EXOC4: variants seen among roughly 807,000 people sequenced by gnomAD.
The protein encoded by EXOC4 is SEC8-like 1.
In EXOC4, 71 loss-of-function variants were observed where a neutral mutation model predicts 107.2. That is an observed-to-expected ratio of 0.66 (90% CI 0.55 to 0.81). The LOEUF is 0.81. Among genes scored for constraint, EXOC4 ranks in the 30% least tolerant of loss-of-function variants. The pLI is 0.00. For missense variants in EXOC4, 1,108 were observed against 1,189.6 expected, an observed-to-expected ratio of 0.93 and a Z score of 1.01; for synonymous variants, 456 against 441.2, an observed-to-expected ratio of 1.03 and a Z score of -0.42.
chr7:133,409,030 A>G (rs1406654134), intron 7 of EXOC4, among the ~76,000 whole-genome samples: 1 of 152,196 alleles, frequency 6.6e-6, no homozygotes, highest in Non-Finnish European at 1.5e-5. Flanking sequence ...CTGCATAAAA[A>G]AAGAAGTATA....
chr7:133,283,232 A>G (rs776814209), intron 2 of EXOC4, among the ~76,000 whole-genome samples: 1 of 152,112 alleles, frequency 6.6e-6, no homozygotes, highest in Non-Finnish European at 1.5e-5. Flanking sequence ...TCTCTCTGCT[A>G]TCTGGGACCA....
At chr7:133,489,060 G>A (rs1354527719) in intron 9 of EXOC4, among the ~76,000 whole-genome samples, 1 of 150,100 alleles carries the variant, frequency 6.7e-6, no homozygotes, top group Non-Finnish European at 1.5e-5. Context: ...AATGTCATTT[G>A]TATGAAGGTC....
At chr7:133,659,635 A>G (rs569917743) in intron 10 of EXOC4, among the ~76,000 whole-genome samples, 1 of 152,238 alleles carries the variant, frequency 6.6e-6, no homozygotes, top group East Asian at 1.9e-4. Flanking sequence ...CGTTGGACCT[A>G]CTGAATCAGA....
chr7:134,024,473 T>G (rs1220130135), intron 17 of EXOC4, among the ~76,000 whole-genome samples: 1 of 151,658 alleles, frequency 6.6e-6, no homozygotes, highest in Non-Finnish European at 1.5e-5. Context: ...GAAGCTAGTA[T>G]GTTTTTAATT....
chr7:133,492,058 A>G (rs1430526356), intron 9 of EXOC4, among the ~76,000 whole-genome samples: 1 of 152,172 alleles, frequency 6.6e-6, no homozygotes, highest in Non-Finnish European at 1.5e-5. Context: ...GCGGGTGATA[A>G]GGAGTCCTCC....
chr7:133,256,130 C>T (rs563296218), intron 1 of EXOC4, among the ~76,000 whole-genome samples: 12 of 152,200 alleles, frequency 7.9e-5, no homozygotes, highest in South Asian at 6.2e-4. Context: ...TACAGGCATG[C>T]GCCACCATAC....
chr7:133,685,820 A>G (rs954151391), intron 10 of EXOC4, among the ~76,000 whole-genome samples: 7 of 152,160 alleles, frequency 4.6e-5, no homozygotes, highest in Non-Finnish European at 7.4e-5. Context: ...GTCTTTTAGT[A>G]TAGTGATCAC....
intron 11 of EXOC4, among the ~76,000 whole-genome samples, chr7:133,817,880 A>G (rs1797412241): frequency 6.6e-6 from 1 of 152,194 alleles, no homozygotes; most frequent in Admixed American, 6.5e-5. Flanking sequence ...CTGAGTATGA[A>G]GGATTAACAG....
chr7:133,477,446 A>G (rs1182280131), intron 8 of EXOC4, among the ~76,000 whole-genome samples: 1 of 152,180 alleles, frequency 6.6e-6, no homozygotes, highest in East Asian at 1.9e-4. Context: ...ACTTAGCAAT[A>G]TGCATTTATC....
chr7:133,596,614 C>A (rs1801681521), intron 9 of EXOC4, among the ~76,000 whole-genome samples: 2 of 152,152 alleles, frequency 1.3e-5, no homozygotes, highest in Admixed American at 1.3e-4. Context: ...ATAGGGTGAG[C>A]TTTAGTTACA....
At chr7:133,264,469 A>G (rs1215170301) in intron 1 of EXOC4, among the ~76,000 whole-genome samples, 1 of 152,142 alleles carries the variant, frequency 6.6e-6, no homozygotes, top group Non-Finnish European at 1.5e-5. Context: ...ATCAATTGGG[A>G]TGGGATTATC....
intron 14 of EXOC4, among the ~76,000 whole-genome samples, chr7:133,988,038 A>G (rs1295442178): frequency 6.6e-6 from 1 of 152,148 alleles, no homozygotes; most frequent in East Asian, 1.9e-4. Flanking sequence ...CTTCTCCATG[A>G]CAGTTTGTAT....
chr7:133,896,827 G>A (rs1398363120), intron 12 of EXOC4, among the ~76,000 whole-genome samples: 1 of 88,092 alleles, frequency 1.1e-5, no homozygotes, highest in African/African-American at 1.2e-4. Flanking sequence ...CACCATGTCT[G>A]GCTATTTTTG....
chr7:133,264,757 T>C (rs183608332), intron 1 of EXOC4, among the ~76,000 whole-genome samples: 1 of 152,322 alleles, frequency 6.6e-6, no homozygotes, highest in African/African-American at 2.4e-5. Context: ...ATTTGTCATA[T>C]ACAAAATGTT....
At chr7:133,697,631 C>T (rs574618613) in intron 10 of EXOC4, among the ~76,000 whole-genome samples, 1 of 152,144 alleles carries the variant, frequency 6.6e-6, no homozygotes, top group Non-Finnish European at 1.5e-5. Flanking sequence ...GGGACCACTG[C>T]GATGGGGCCT....
chr7:133,455,244 C>T (rs1798436580), intron 7 of EXOC4, among the ~76,000 whole-genome samples: 1 of 151,938 alleles, frequency 6.6e-6, no homozygotes, highest in Non-Finnish European at 1.5e-5. Context: ...GTGAAGTGGG[C>T]CAGTACAAGA....
intron 4 of EXOC4, among the ~76,000 whole-genome samples, chr7:133,310,206 A>T (rs1011947669): frequency 2.6e-5 from 4 of 152,192 alleles, no homozygotes; most frequent in Non-Finnish European, 5.9e-5. Flanking sequence ...ATTACAAAGG[A>T]TATTGTACTG....
intron 14 of EXOC4, among the ~76,000 whole-genome samples, chr7:133,956,020 A>C (rs890929277): frequency 1.3e-5 from 2 of 152,130 alleles, no homozygotes; most frequent in Non-Finnish European, 2.9e-5. Context: ...CAGCAGCTGC[A>C]CCTGGGAGGG....
intron 14 of EXOC4, among the ~76,000 whole-genome samples, chr7:133,956,414 A>T (rs1800820498): frequency 6.6e-6 from 1 of 152,210 alleles, no homozygotes; most frequent in Admixed American, 6.5e-5. Flanking sequence ...AGTGAAGCAT[A>T]TAATGGCCAA....
Sources: allele counts gnomAD v4.1 joint callset (sites outside exome capture counted in the v4.1 genomes callset), GRCh38; gene constraint gnomAD v4.1.1; transcripts MANE v1.5; gene names NCBI Gene and HGNC (gene_info 2026-07-23, HGNC 2026-07-21).